CENPW: variants seen among roughly 807,000 people sequenced by gnomAD.
CENPW encodes the protein centromere protein W, also known as cancer-up-regulated gene 2 protein.
CENPW carries 3 observed loss-of-function variants against 11.1 expected under a neutral mutation model. The ratio of observed to expected loss-of-function variants is 0.27; its 90% CI spans 0.12 to 0.70. The LOEUF is 0.70. Among genes scored for constraint, CENPW ranks in the 30% least tolerant of loss-of-function variants. The pLI is 0.77. For synonymous variants in CENPW, 38 were observed against 42.0 expected (o/e 0.91, Z 0.37); for missense variants, 100 against 105.6 (o/e 0.95, Z 0.23).
chr6:126,382,480 A>G, the CENPW span, among the ~76,000 whole-genome samples: 1 of 152,174 alleles, frequency 6.6e-6, no homozygotes. Flanking sequence ...TTCAGAATAT[A>G]GATAGGAACA....
the CENPW span, among the ~76,000 whole-genome samples, chr6:126,374,954 C>T: frequency 6.6e-6 from 1 of 152,160 alleles, no homozygotes; most frequent in Non-Finnish European, 1.5e-5. Flanking sequence ...CTTTTTTCTA[C>T]AAGATACCCC....
the CENPW span, among the ~76,000 whole-genome samples, chr6:126,407,099 A>G: frequency 2.0e-5 from 3 of 152,142 alleles, no homozygotes; most frequent in African/African-American, 7.2e-5. Flanking sequence ...CACCTCCCCA[A>G]CAGTCCCCAT....
At chr6:126,400,443 C>A in the CENPW span, among the ~76,000 whole-genome samples, 1 of 151,820 alleles carries the variant, frequency 6.6e-6, no homozygotes, top group Non-Finnish European at 1.5e-5. Flanking sequence ...TATTTTACAC[C>A]TGGGATATCA....
the CENPW span, among the ~76,000 whole-genome samples, chr6:126,452,549 G>T: frequency 6.6e-6 from 1 of 150,884 alleles, no homozygotes; most frequent in Admixed American, 6.6e-5. Flanking sequence ...AGAGTAAGTG[G>T]ACTTGAAAAT....
the CENPW span, among the ~76,000 whole-genome samples, chr6:126,471,640 A>C: frequency 2.0e-5 from 3 of 152,326 alleles, no homozygotes; most frequent in Admixed American, 1.3e-4. Context: ...ACAGTCTAGA[A>C]CTAATCATAA....
chr6:126,422,465 C>T, the CENPW span, among the ~76,000 whole-genome samples: 3 of 152,000 alleles, frequency 2.0e-5, no homozygotes, highest in African/African-American at 4.8e-5. Context: ...TTCATCCTCA[C>T]GTGGCGTTTT....
chr6:126,470,393 TG>T, the CENPW span, among the ~76,000 whole-genome samples: 1 of 152,218 alleles, frequency 6.6e-6, no homozygotes, highest in Non-Finnish European at 1.5e-5. Flanking sequence ...AGTTGAGGTT[TG>T]GGAACCTCTG....
At chr6:126,481,575 T>C in the CENPW span, among the ~76,000 whole-genome samples, 4 of 152,136 alleles carry the variant, frequency 2.6e-5, no homozygotes, top group South Asian at 8.3e-4. Context: ...CCAGCAATAA[T>C]TAACCCAATC....
At chr6:126,363,145 G>T in the CENPW span, among the ~76,000 whole-genome samples, 1 of 152,130 alleles carries the variant, frequency 6.6e-6, no homozygotes, top group African/African-American at 2.4e-5. Flanking sequence ...TGGGATTTCT[G>T]TGTTGAGTTC....
At chr6:126,436,013 G>GA in the CENPW span, among the ~76,000 whole-genome samples, 4 of 151,794 alleles carry the variant, frequency 2.6e-5, no homozygotes, top group African/African-American at 7.3e-5. Context: ...CAATTGAGAT[G>GA]ATACCTTTTG....
At chr6:126,415,472 G>T in the CENPW span, among the ~76,000 whole-genome samples, 3 of 152,056 alleles carry the variant, frequency 2.0e-5, no homozygotes, top group Non-Finnish European at 2.9e-5. Context: ...TTTTTTAGAG[G>T]AGAAGATTGA....
chr6:126,411,411 G>T, the CENPW span, among the ~76,000 whole-genome samples: 1 of 152,152 alleles, frequency 6.6e-6, no homozygotes, highest in African/African-American at 2.4e-5. Flanking sequence ...CTAATGACAG[G>T]TCTGAATCAG....
the CENPW span, among the ~76,000 whole-genome samples, chr6:126,453,227 T>C: frequency 6.6e-6 from 1 of 150,952 alleles, no homozygotes; most frequent in Non-Finnish European, 1.5e-5. Context: ...TGATATAATA[T>C]AGGAGATGAC....
chr6:126,473,198 A>G, the CENPW span, among the ~76,000 whole-genome samples: 1 of 152,196 alleles, frequency 6.6e-6, no homozygotes, highest in Admixed American at 6.5e-5. Context: ...TGGGAATTAC[A>G]AATAAAACAT....
the CENPW span, among the ~76,000 whole-genome samples, chr6:126,370,069 A>G: frequency 6.6e-6 from 1 of 152,128 alleles, no homozygotes; most frequent in Non-Finnish European, 1.5e-5. Flanking sequence ...TGTGTCAAAG[A>G]TCAGTTGGTT....
chr6:126,452,895 C>G, the CENPW span, among the ~76,000 whole-genome samples: 1 of 150,896 alleles, frequency 6.6e-6, no homozygotes, highest in Non-Finnish European at 1.5e-5. Flanking sequence ...CAAAAATGAT[C>G]CATTACTTAT....
the CENPW span, among the ~76,000 whole-genome samples, chr6:126,482,602 CA>C: frequency 6.6e-6 from 1 of 151,848 alleles, no homozygotes. Flanking sequence ...AACCACTTAT[CA>C]AAAAGACATC....
chr6:126,365,545 A>T, the CENPW span, among the ~76,000 whole-genome samples: 1 of 152,138 alleles, frequency 6.6e-6, no homozygotes, highest in Non-Finnish European at 1.5e-5. Context: ...GCAAGGGGGA[A>T]GTCCGCCCCT....
chr6:126,397,217 C>G, the CENPW span, among the ~76,000 whole-genome samples: 1 of 152,110 alleles, frequency 6.6e-6, no homozygotes, highest in South Asian at 2.1e-4. Context: ...CTTGCTGAAA[C>G]TCAAGTTTCA....
Sources: gnomAD v4.1 joint callset for allele counts (sites outside exome capture counted in the v4.1 genomes callset) on GRCh38, gnomAD v4.1.1 for gene constraint, MANE v1.5 for transcripts, NCBI Gene and HGNC (gene_info 2026-07-23, HGNC 2026-07-21) for gene names.